The following SNX8 variants were observed in gnomAD, a reference collection of about 807,000 sequenced individuals.
SNX8 encodes the protein sorting nexin 8.
In SNX8, 25 loss-of-function variants were observed where a neutral mutation model predicts 51.6. That is an observed-to-expected ratio of 0.48 (90% CI 0.35 to 0.68). SNX8 has a LOEUF of 0.68. Ranked by LOEUF, SNX8 falls within the 30% of genes least tolerant of loss-of-function variation. The pLI is 0.00. For missense variants in SNX8, 695 were observed against 624.0 expected (o/e 1.11, Z -1.21); for synonymous variants, 324 against 277.0 (o/e 1.17, Z -1.68).
chr7:2,306,465 G>C (rs1340135284), intron 1 of SNX8, among the ~76,000 whole-genome samples: 1 of 152,142 alleles, frequency 6.6e-6, no homozygotes, highest in African/African-American at 2.4e-5. Context: ...TGGAAAACAT[G>C]TGGCAAGAAT....
chr7:2,297,616 T>G (rs944046878), intron 1 of SNX8, among the ~76,000 whole-genome samples: 1 of 148,040 alleles, frequency 6.8e-6, no homozygotes, highest in Non-Finnish European at 1.5e-5. Context: ...CAATTCACAG[T>G]TGCAAAGATA....
chr7:2,332,003 G>A (rs779488687), intron 1 of SNX8, among the ~76,000 whole-genome samples: 13 of 151,938 alleles, frequency 8.6e-5, no homozygotes, highest in African/African-American at 7.2e-5. Context: ...CCAGGAGTTC[G>A]AGACCAGTGT....
chr7:2,316,889 G>A (rs1177035195), upstream of SNX8, among the ~76,000 whole-genome samples: 1 of 152,228 alleles, frequency 6.6e-6, no homozygotes, highest in African/African-American at 2.4e-5. Context: ...GCCCTGTGCT[G>A]GGTGCTGAGA....
At chr7:2,309,182 C>A (rs1203285998) in intron 1 of SNX8, among the ~76,000 whole-genome samples, 1 of 152,162 alleles carries the variant, frequency 6.6e-6, no homozygotes, top group Non-Finnish European at 1.5e-5. Flanking sequence ...GCCTTAACCT[C>A]CCAAAGTGTT....
At chr7:2,289,833 G>A (rs1796112199) in intron 1 of SNX8, among the ~76,000 whole-genome samples, 1 of 152,114 alleles carries the variant, frequency 6.6e-6, no homozygotes, top group South Asian at 2.1e-4. Flanking sequence ...TGAGGCGGAG[G>A]CTACAGTGAG....
intron 4 of SNX8, among the ~76,000 whole-genome samples, chr7:2,270,992 G>C (rs948710930): frequency 6.6e-6 from 1 of 152,238 alleles, no homozygotes; most frequent in Admixed American, 6.5e-5. Flanking sequence ...CGCCTTCCCT[G>C]GAGGGGCTGG....
At chr7:2,309,284 G>T (rs1796613103) in intron 1 of SNX8, among the ~76,000 whole-genome samples, 1 of 152,188 alleles carries the variant, frequency 6.6e-6, no homozygotes, top group Non-Finnish European at 1.5e-5. Context: ...CACTTTGGGA[G>T]GCCAAAGCAA....
intron 1 of SNX8, among the ~76,000 whole-genome samples, chr7:2,289,354 T>C (rs1796101257): frequency 6.6e-6 from 1 of 152,214 alleles, no homozygotes; most frequent in African/African-American, 2.4e-5. Flanking sequence ...GATCACGGGA[T>C]CTGCATATGT....
chr7:2,338,602 C>G (rs1778871684), intron 1 of SNX8, among the ~76,000 whole-genome samples: 1 of 152,100 alleles, frequency 6.6e-6, no homozygotes, highest in South Asian at 2.1e-4. Flanking sequence ...CCTCTGCACT[C>G]CAGCCTGGGC....
Position 2,256,777 on chromosome 7 carries a change from T to C in SNX8, c.1284+97A>G, listed in dbSNP as rs1341064993. 7.7e-6 allele frequency: 10 copies of C among 1,305,880 alleles called. 1 individual carries two copies. Among genetic ancestry groups the C allele is most frequent in the African/African-American group, 1.5e-5 (1 of 68,082 alleles). The allele number at this position is 1,305,880 out of a possible 1,614,324, so 80.9% of individuals were successfully genotyped here. On this transcript the variant is annotated intron_variant, in intron 10 of 10. Coordinates refer to ENST00000222990, the MANE Select transcript of SNX8 (RefSeq NM_013321.4). ...GCCCAACTCCACTAAAGAACCTCTCTAGGGCGGCCGGCCACCGCGCTGCCG... is the reference window on the plus strand; with the variant it reads ...GCCCAACTCCACTAAAGAACCTCTCCAGGGCGGCCGGCCACCGCGCTGCCG...
intron 1 of SNX8, 78 bp downstream of exon 1, chr7:2,314,250 C>G: frequency 8.3e-7 from 1 of 1,205,004 alleles, no homozygotes; most frequent in Non-Finnish European, 1.0e-6. Context: ...CCAAGCGCGG[C>G]GGCTGAGCCC....
chr7:2,327,569 G>A (rs557148500), intron 1 of SNX8, among the ~76,000 whole-genome samples: 119 of 152,212 alleles, frequency 7.8e-4, no homozygotes, highest in African/African-American at 2.8e-3. Flanking sequence ...CACCATGCCC[G>A]GCTAATTTTT....
In SNX8 at chr7:2,268,449, T is replaced by TG. The variant is rs1221305237; in HGVS notation, c.621+1109dup. 2.4e-3 allele frequency among the ~76,000 whole-genome samples: 255 copies of TG among 105,786 alleles called. 3 individuals are homozygous for TG. The highest frequency in any genetic ancestry group is 8.4e-3 in the African/African-American group (228 of 27,164). 69.4% of individuals were successfully genotyped at this position (105,786 alleles called of 152,430 possible). A position where few individuals can be genotyped will look rare whatever the true frequency, so the allele number is the denominator to read the frequency against. ...GCAGCCACCCCATCCGGGAGGGAGG[T>TG]GGGGGGGGTCAGCCCCCCGCCCGGC... On this transcript the variant is annotated intron_variant, in intron 5 of 10. Transcript: ENST00000222990.
At chr7:2,302,935 T>C (rs1362550537) in intron 1 of SNX8, among the ~76,000 whole-genome samples, 8 of 137,142 alleles carry the variant, frequency 5.8e-5, no homozygotes, top group African/African-American at 2.2e-4. Context: ...GTGAGGAGCC[T>C]CTCCGCCCAG....
intron 1 of SNX8, among the ~76,000 whole-genome samples, chr7:2,312,562 T>C (rs2115211001): frequency 6.6e-6 from 1 of 152,236 alleles, no homozygotes; most frequent in South Asian, 2.1e-4. Flanking sequence ...AGACCCATTC[T>C]GAAAGGCCCT....
intron 1 of SNX8, among the ~76,000 whole-genome samples, chr7:2,322,506 C>T (rs2115226138): frequency 6.6e-6 from 1 of 151,074 alleles, no homozygotes; most frequent in Admixed American, 6.6e-5. Flanking sequence ...ATCAGCCTGG[C>T]TAACATGATG....
chr7:2,283,267 G>C (rs542432979), intron 1 of SNX8, among the ~76,000 whole-genome samples: 43 of 152,368 alleles, frequency 2.8e-4, no homozygotes, highest in African/African-American at 9.4e-4. Context: ...GCACGGGACA[G>C]ACACTGGAGG....
chr7:2,338,582 C>T (rs1056217718), intron 1 of SNX8, among the ~76,000 whole-genome samples: 4 of 151,994 alleles, frequency 2.6e-5, no homozygotes, highest in Admixed American at 1.3e-4. Flanking sequence ...CGCAGTGACC[C>T]GAGATTGCAC....
chr7:2,338,833 C>T (rs766844040), intron 1 of SNX8, among the ~76,000 whole-genome samples: 15 of 152,106 alleles, frequency 9.9e-5, no homozygotes, highest in Non-Finnish European at 2.1e-4. Context: ...GAGGCCGAGG[C>T]AGAAGGATCA....
Sources: gnomAD v4.1 joint callset for allele counts (sites outside exome capture counted in the v4.1 genomes callset) on GRCh38, gnomAD v4.1.1 for gene constraint, MANE v1.5 for transcripts, NCBI Gene and HGNC (gene_info 2026-07-23, HGNC 2026-07-21) for gene names.